The following CEMIP2 variants were observed in gnomAD, a reference collection of about 807,000 sequenced individuals.
CEMIP2 encodes cell migration inducing hyaluronidase 2.
A neutral mutation model predicts 146.9 loss-of-function variants in CEMIP2; 79 were observed. That is an observed-to-expected ratio of 0.54 (90% CI 0.45 to 0.65). CEMIP2 has a LOEUF of 0.65. CEMIP2 is among the 30% of genes least tolerant of loss of function. CEMIP2 has a pLI of 0.00. For synonymous variants in CEMIP2, 601 were observed against 606.3 expected (o/e 0.99, Z 0.13); for missense variants, 1,596 against 1,696.2 (o/e 0.94, Z 1.04).
intron 1 of CEMIP2, among the ~76,000 whole-genome samples, chr9:71,752,733 A>G (rs1005664331): frequency 6.6e-6 from 1 of 152,122 alleles, no homozygotes; most frequent in Non-Finnish European, 1.5e-5. Context: ...AAATTGCTCT[A>G]AACTATCAGC....
intron 11 of CEMIP2, among the ~76,000 whole-genome samples, chr9:71,723,710 T>C (rs1355020356): frequency 2.0e-5 from 3 of 152,184 alleles, no homozygotes; most frequent in African/African-American, 7.2e-5. Flanking sequence ...AGGATAAGCC[T>C]GACCAACCTG....
intron 17 of CEMIP2, among the ~76,000 whole-genome samples, chr9:71,707,014 G>C (rs79010410): frequency 0.01 from 1,533 of 152,120 alleles, 31 homozygotes; most frequent in African/African-American, 0.035. Context: ...ATTTAGTAGA[G>C]ATGAAGTTTC....
intron 10 of CEMIP2, among the ~76,000 whole-genome samples, chr9:71,729,536 G>A (rs1015236348): frequency 1.3e-5 from 2 of 151,726 alleles, no homozygotes; most frequent in African/African-American, 4.8e-5. Context: ...GGAGAATGGC[G>A]TGAACCCGGG....
intron 19 of CEMIP2, among the ~76,000 whole-genome samples, chr9:71,698,830 A>T (rs1822473196): frequency 6.6e-6 from 1 of 152,198 alleles, no homozygotes; most frequent in African/African-American, 2.4e-5. Context: ...TCTAACTTCC[A>T]GGTAGCAGTT....
intron 19 of CEMIP2, 169 bp from the exon 20 acceptor site, chr9:71,698,373 G>T: frequency 1.6e-6 from 1 of 614,584 alleles, no homozygotes; most frequent in Non-Finnish European, 2.8e-6. Context: ...ATCCTTCAAG[G>T]GTCCTAAGTC....
intron 20 of CEMIP2, among the ~76,000 whole-genome samples, chr9:71,694,809 C>G (rs1333486316): frequency 1.3e-5 from 2 of 152,102 alleles, no homozygotes; most frequent in African/African-American, 4.8e-5. Flanking sequence ...TGGAGCAATC[C>G]CAGTTTCAAA....
Position 71,760,601 on chromosome 9 carries a change from C to T in CEMIP2, c.-13+7756G>A, listed in dbSNP as rs116417914. Reference sequence around the variant, plus strand: ...GACCCTAAAGCCAATGAGGCTGATACGGCCAAAAGGTTAAAATGTATTATC... The same window carrying T: ...GACCCTAAAGCCAATGAGGCTGATATGGCCAAAAGGTTAAAATGTATTATC... On this transcript the variant is annotated intron_variant, in intron 1 of 23. Transcript: ENST00000377044. Among the ~76,000 whole-genome samples, 739 of 145,360 alleles carry T rather than the reference C, an allele frequency of 5.1e-3. 14 individuals carry two copies. Among genetic ancestry groups the T allele is most frequent in the African/African-American group, 0.017 (680 of 41,044 alleles).
chr9:71,734,113 G>A (rs1424919990), intron 6 of CEMIP2, among the ~76,000 whole-genome samples: 1 of 152,204 alleles, frequency 6.6e-6, no homozygotes, highest in East Asian at 1.9e-4. Context: ...CTCCCAAAGT[G>A]CTGGGATTAT....
intron 13 of CEMIP2, among the ~76,000 whole-genome samples, chr9:71,716,843 C>T (rs1823070697): frequency 6.6e-6 from 1 of 152,186 alleles, no homozygotes; most frequent in Non-Finnish European, 1.5e-5. Context: ...TAACCTTCCT[C>T]ATAGGATTCT....
At chr9:71,701,122 T>G (rs1822548456) in intron 18 of CEMIP2, among the ~76,000 whole-genome samples, 1 of 152,214 alleles carries the variant, frequency 6.6e-6, no homozygotes, top group Admixed American at 6.5e-5. Flanking sequence ...GTTGTTGTTT[T>G]TGAGATGGAG....
intron 2 of CEMIP2, among the ~76,000 whole-genome samples, chr9:71,749,513 C>T (rs1225618106): frequency 6.6e-6 from 1 of 151,920 alleles, no homozygotes; most frequent in Non-Finnish European, 1.5e-5. Flanking sequence ...CGAGACCAGC[C>T]TGGCCAACAT....
At chr9:71,724,822 A>G (rs1433796898) in intron 11 of CEMIP2, among the ~76,000 whole-genome samples, 1 of 152,214 alleles carries the variant, frequency 6.6e-6, no homozygotes, top group Non-Finnish European at 1.5e-5. Context: ...ACTGTGAATC[A>G]AAAAGAAGAG....
intron 12 of CEMIP2, among the ~76,000 whole-genome samples, chr9:71,721,751 T>G: frequency 6.6e-6 from 1 of 152,224 alleles, no homozygotes; most frequent in East Asian, 1.9e-4. Context: ...AATAATAATA[T>G]GTACACAGGT....
intron 10 of CEMIP2, among the ~76,000 whole-genome samples, chr9:71,728,303 A>ATG (rs1823505263): frequency 1.2e-4 from 3 of 24,648 alleles, no homozygotes; most frequent in Non-Finnish European, 2.4e-4. Context: ...ATATATATAC[A>ATG]TATATATATA....
chr9:71,738,321 T>C (rs918618902), intron 5 of CEMIP2, among the ~76,000 whole-genome samples: 1 of 152,204 alleles, frequency 6.6e-6, no homozygotes, highest in Non-Finnish European at 1.5e-5. Flanking sequence ...GAGACCAGCC[T>C]GACCAACATG....
intron 14 of CEMIP2, 88 bp from the exon 15 acceptor site, chr9:71,715,177 A>G (rs1823011585): frequency 7.7e-6 from 11 of 1,431,340 alleles, no homozygotes; most frequent in Middle Eastern, 1.8e-4. Flanking sequence ...CTGAAAAGCT[A>G]AAAGTTTTAA....
Position 71,729,848 on chromosome 9 carries a change from T to C in CEMIP2, c.2046A>G (p.Ser682=), listed in dbSNP as rs767701444. Residue 682 remains serine (S), a synonymous_variant, in exon 10 of 24, where the codon TCA becomes TCG. Coordinates refer to ENST00000377044, the MANE Select transcript of CEMIP2 (RefSeq NM_013390.3). ...NNLINNAAAG[S]QDAGIWYLFH... ...AGGTCACTTTAACGTTATTTACCTG[T>C]GAGCCTGCAGCTGCATTATTAATCA... The C allele has an allele frequency of 2.5e-6, 4 of 1,613,986 alleles. No homozygotes were observed. Among genetic ancestry groups the C allele is most frequent in the Admixed American group, 3.3e-5 (2 of 60,006 alleles).
intron 10 of CEMIP2, among the ~76,000 whole-genome samples, chr9:71,728,815 TTGTGTG>T (rs33987875): frequency 2.0e-5 from 3 of 148,202 alleles, no homozygotes; most frequent in Non-Finnish European, 3.0e-5. Flanking sequence ...TGTGGGGTTT[TTGTGTG>T]TGTGTGTGTG....
At position 71,732,524 on chromosome 9, in the gene CEMIP2, G is replaced by A. The variant is rs750477121; in HGVS notation, c.1394-4C>T. The stretch of plus-strand genomic sequence containing the variant: ...ATGTGCAGGAACTGAGGGGTTTCTG[G>A]TTGATATGAGCAAGGAAAAAAAAGA... On this transcript the variant is annotated splice_region_variant and splice_polypyrimidine_tract_variant and intron_variant, in intron 6 of 23. Transcript: ENST00000377044. 13 of 1,582,308 alleles carry A rather than the reference G, an allele frequency of 8.2e-6. No individual in the cohort carries two copies. The highest frequency in any genetic ancestry group is 6.8e-5 in the East Asian group (3 of 44,274).
Sources: gnomAD v4.1 joint callset for allele counts (sites outside exome capture counted in the v4.1 genomes callset) on GRCh38, gnomAD v4.1.1 for gene constraint, MANE v1.5 for transcripts, NCBI Gene and HGNC (gene_info 2026-07-23, HGNC 2026-07-21) for gene names.